GRK1: variants seen among roughly 807,000 people sequenced by gnomAD.
The protein encoded by GRK1 is G protein-coupled receptor kinase 1.
GRK1 carries 28 observed loss-of-function variants against 41.7 expected under a neutral mutation model. The ratio of observed to expected loss-of-function variants is 0.67; its 90% CI spans 0.50 to 0.92. GRK1 has a LOEUF of 0.92. Among genes scored for constraint, GRK1 ranks in the 40% least tolerant of loss-of-function variants. The pLI is 0.00. For synonymous variants in GRK1, 327 were observed against 286.7 expected (o/e 1.14, Z -1.42); for missense variants, 703 against 671.2 (o/e 1.05, Z -0.52).
At position 113,667,330 on chromosome 13, in the gene GRK1, C is replaced by T; in HGVS notation, c.-57C>T. ...CAGGCCTGCTCTGTCTGTGAACGCT[C>T]CCGGCTTGGCCTCGGCTGATGGGCC... On this transcript the variant is annotated 5_prime_UTR_variant, in exon 1 of 7. Coordinates refer to ENST00000335678, the MANE Select transcript of GRK1 (RefSeq NM_002929.3). This position sits in a 1 kb window ranked among gnomAD's most constrained non-coding sequence, Gnocchi z 7.5. 6.8e-7 allele frequency: 1 copy of T among 1,465,842 alleles called. No individual in the cohort carries two copies. The highest frequency in any genetic ancestry group is 9.1e-7 in the Non-Finnish European group (1 of 1,100,768). The allele number at this position is 1,465,842 out of a possible 1,614,324, so 90.8% of individuals were successfully genotyped here.
chr13:113,727,724 T>C (rs1478989673), intron 4 of GRK1, among the ~76,000 whole-genome samples: 16 of 116,420 alleles, frequency 1.4e-4, no homozygotes, highest in South Asian at 3.9e-4. Flanking sequence ...CCCATGGCGA[T>C]GAGGAGTACC....
the GRK1 span, among the ~76,000 whole-genome samples, chr13:113,658,537 TG>T: frequency 2.0e-5 from 3 of 152,286 alleles, no homozygotes; most frequent in East Asian, 5.8e-4. Flanking sequence ...CTGGACCCAC[TG>T]TGTCCACGAC....
Position 113,736,303 on chromosome 13 carries a change from G to A in GRK1, c.*940G>A. ...TCCCAGGGGACACTTCAGGCCACGG[G>A]CCTTGTGCATAGGGACAGAGCTCCT... On this transcript the variant is annotated 3_prime_UTR_variant, in exon 7 of 7. Transcript: ENST00000335678. The A allele has an allele frequency of 6.6e-6, 1 of 152,434 alleles. No individual in the cohort carries two copies. The highest frequency in any genetic ancestry group is 1.5e-5 in the Non-Finnish European group (1 of 68,102). 9.4% of individuals were successfully genotyped at this position (152,434 alleles called of 1,614,324 possible). A position where few individuals can be genotyped will look rare whatever the true frequency, so the allele number is the denominator to read the frequency against.
In GRK1 at chr13:113,733,067, T is replaced by C; in HGVS notation, c.1378T>C (p.Trp460Arg). The change falls in exon 6 of 7, where the codon TGG becomes CGG. Residue 460 changes from tryptophan (W) to arginine (R), a missense_variant. Coordinates refer to ENST00000335678, the MANE Select transcript of GRK1 (RefSeq NM_002929.3). Reference protein sequence around the residue: ...RAHPLFKDLNWRQLEAGMLMP... With the variant: ...RAHPLFKDLNRRQLEAGMLMP... ...CCACCCCCTCTTCAAGGACCTTAACTGGAGGCAGCTGGAGGCTGGTACTGT... is the reference window on the plus strand; with the variant it reads ...CCACCCCCTCTTCAAGGACCTTAACCGGAGGCAGCTGGAGGCTGGTACTGT... The C allele has an allele frequency of 6.5e-7, 1 of 1,536,446 alleles. No homozygotes were observed. Among genetic ancestry groups the C allele is most frequent in the Non-Finnish European group, 8.7e-7 (1 of 1,146,692 alleles).
intron 4 of GRK1, among the ~76,000 whole-genome samples, chr13:113,727,997 TGAGTACCCATGGCGATGAG>T (rs752784959): frequency 0.021 from 649 of 31,506 alleles, 39 homozygotes; most frequent in Non-Finnish European, 0.024. Context: ...CCCATGGCGA[TGAGTACCCATGGCGATGAG>T]GAGTACCCAT....
the GRK1 span, among the ~76,000 whole-genome samples, chr13:113,659,002 C>T: frequency 6.6e-6 from 1 of 152,134 alleles, no homozygotes; most frequent in Non-Finnish European, 1.5e-5. Context: ...GGATGCTCAG[C>T]CTGGGCAGTA....
chr13:113,667,199 CG>C (rs1449475266), upstream of GRK1: 9 of 597,166 alleles, frequency 1.5e-5, no homozygotes, highest in Non-Finnish European at 2.6e-5. The surrounding 1 kb of genome is among the most constrained non-coding windows in gnomAD (Gnocchi z 7.5). Flanking sequence ...GTGTCAGCCC[CG>C]GGCTCCCAGG....
In GRK1 at chr13:113,731,206, C is replaced by T. The variant is rs2049934401; in HGVS notation, c.1070-13C>T. 3 of 1,536,678 alleles carry T rather than the reference C, an allele frequency of 2.0e-6. No homozygotes were observed. The highest frequency in any genetic ancestry group is 2.7e-5 in the African/African-American group (2 of 73,164). ...GTGACCACCTCTGAACCCGCAATGT[C>T]CCTTGCTGGCAGGTTTCATGGCCCC... On this transcript the variant is annotated splice_polypyrimidine_tract_variant and intron_variant, in intron 4 of 6. Coordinates refer to ENST00000335678, the MANE Select transcript of GRK1 (RefSeq NM_002929.3). The surrounding 1 kb of genome is among the most constrained non-coding windows in gnomAD (Gnocchi z 5.6).
rs1199278619 is a variant in GRK1, at chr13:113,735,397, C to T, written c.*34C>T. The stretch of plus-strand genomic sequence containing the variant: ...CCAGAGTCCACGTGGAGGAAAAGGA[C>T]CCATACGGCTCGATGGGGGCCGCCT... On this transcript the variant is annotated 3_prime_UTR_variant, in exon 7 of 7. Coordinates refer to ENST00000335678, the MANE Select transcript of GRK1 (RefSeq NM_002929.3). The T allele has an allele frequency of 2.8e-6, 4 of 1,448,996 alleles. No homozygotes were observed. In the South Asian group the frequency reaches 4.3e-5, roughly 16 times the overall value. The allele number at this position is 1,448,996 out of a possible 1,614,324, so 89.8% of individuals were successfully genotyped here.
In GRK1 at chr13:113,671,126, C is replaced by G. The variant is rs1311960923; in HGVS notation, c.828-373C>G. 2.6e-5 allele frequency among the ~76,000 whole-genome samples: 4 copies of G among 152,234 alleles called. No homozygotes were observed. Among genetic ancestry groups the G allele is most frequent in the Admixed American group, 2.0e-4 (3 of 15,290 alleles). On this transcript the variant is annotated intron_variant, in intron 2 of 6. Coordinates refer to ENST00000335678, the MANE Select transcript of GRK1 (RefSeq NM_002929.3). This position sits in a 1 kb window ranked among gnomAD's most constrained non-coding sequence, Gnocchi z 4.1. The stretch of plus-strand genomic sequence containing the variant: ...GAGGCTGAGAAGAAACACCTTACTG[C>G]AAATCTTTCATGAGTCTGATGAACT...
At chr13:113,668,186 T>C in intron 1 of GRK1, 101 bp downstream of exon 1, 1 of 1,269,944 alleles carries the variant, frequency 7.9e-7, no homozygotes, top group Admixed American at 2.4e-5. Context: ...TCCGGGGCCC[T>C]TAACAGCTGG....
In GRK1 at chr13:113,735,214, C is replaced by T; in HGVS notation, c.1543C>T (p.Pro515Ser). 3.3e-6 allele frequency: 5 copies of T among 1,537,200 alleles called. No homozygotes were observed. The highest frequency in any genetic ancestry group is 4.4e-6 in the Non-Finnish European group (5 of 1,146,900). The change falls in exon 7 of 7, where the codon CCC becomes TCC. Residue 515 changes from proline to serine, a missense_variant. Pro to Ser is a moderately conservative substitution (Grantham distance 74). Coordinates refer to ENST00000335678, the MANE Select transcript of GRK1 (RefSeq NM_002929.3). ...TCAGGAATTTGCCACTGGCAACTGC[C>T]CCATCCCCTGGCAGGAGGAGATGAT... is the stretch of plus-strand genomic sequence containing the variant. ...FFQEFATGNC[P>S]IPWQEEMIET...
the GRK1 span, among the ~76,000 whole-genome samples, chr13:113,656,770 G>T: frequency 6.6e-6 from 1 of 152,152 alleles, no homozygotes; most frequent in Non-Finnish European, 1.5e-5. Flanking sequence ...TACCGGCCAG[G>T]CAGTGAGACC....
intron 4 of GRK1, among the ~76,000 whole-genome samples, chr13:113,729,096 G>A (rs1449407862): frequency 2.0e-5 from 3 of 152,200 alleles, no homozygotes; most frequent in Non-Finnish European, 2.9e-5. Flanking sequence ...GGGTGCTGAG[G>A]ACTCGAGCTG....
the GRK1 span, among the ~76,000 whole-genome samples, chr13:113,659,039 G>A: frequency 6.6e-6 from 1 of 152,224 alleles, no homozygotes; most frequent in African/African-American, 2.4e-5. Context: ...GGTCCGGGCA[G>A]TGCACTGGGG....
intron 1 of GRK1, 68 bp from the exon 2 acceptor site, chr13:113,669,619 G>A (rs373814834): frequency 8.2e-6 from 13 of 1,593,196 alleles, no homozygotes; most frequent in African/African-American, 5.4e-5. Context: ...GGGTGCACAC[G>A]GTCTCTGCGA....
chr13:113,651,636 T>G, the GRK1 span: 2 of 1,562,752 alleles, frequency 1.3e-6, no homozygotes, highest in Admixed American at 3.8e-5. Flanking sequence ...GCTCCTTTCC[T>G]GGGGCAGCCC....
upstream of GRK1, among the ~76,000 whole-genome samples, chr13:113,666,401 G>A (rs533066888): frequency 1.3e-5 from 2 of 150,344 alleles, no homozygotes; most frequent in African/African-American, 2.5e-5. Context: ...TGTGCCCCAG[G>A]TATGTTGCAG....
At chr13:113,658,181 AC>A in the GRK1 span, 1 of 1,578,716 alleles carries the variant, frequency 6.3e-7, no homozygotes, top group Non-Finnish European at 8.6e-7. Context: ...TGCTCCCTGC[AC>A]CCTCTACGCC....
Sources: allele counts gnomAD v4.1 joint callset (sites outside exome capture counted in the v4.1 genomes callset), GRCh38; gene constraint gnomAD v4.1.1; non-coding constraint Gnocchi (gnomAD v3.1); transcripts MANE v1.5; gene names NCBI Gene and HGNC (gene_info 2026-07-23, HGNC 2026-07-21).